Variants in AMPD1 observed in about 807,000 individuals in gnomAD.
The protein encoded by AMPD1 is AMP deaminase 1.
A neutral mutation model predicts 82.9 loss-of-function variants in AMPD1; 74 were observed. The observed-to-expected ratio is 0.89, with a 90% CI of 0.74 to 1.08. The LOEUF (loss-of-function observed/expected upper bound fraction) is 1.08. Ranked by LOEUF, AMPD1 falls within the 50% of genes least tolerant of loss-of-function variation. The pLI, the probability that AMPD1 is intolerant of heterozygous loss-of-function variation, is 0.00. For missense variants in AMPD1, 881 were observed against 924.5 expected, an observed-to-expected ratio of 0.95 and a Z score of 0.61; for synonymous variants, 333 against 320.5, an observed-to-expected ratio of 1.04 and a Z score of -0.42.
chr1:114,690,182 ACCT>A (rs1658471469), intron 2 of AMPD1, among the ~76,000 whole-genome samples: 1 of 152,072 alleles, frequency 6.6e-6, no homozygotes, highest in Admixed American at 6.6e-5. Context: ...TGCACTTAAC[ACCT>A]CCTACATCTT....
chr1:114,674,313 A>G (rs546405241), intron 13 of AMPD1, among the ~76,000 whole-genome samples: 1 of 152,314 alleles, frequency 6.6e-6, no homozygotes, highest in East Asian at 1.9e-4. Context: ...CAGATTGTTT[A>G]TTTGATCTAT....
At chr1:114,694,223 A>T (rs1178158902) in intron 1 of AMPD1, among the ~76,000 whole-genome samples, 1 of 150,286 alleles carries the variant, frequency 6.7e-6, no homozygotes, top group Non-Finnish European at 1.5e-5. Flanking sequence ...CTCTAAAAAA[A>T]CAAAAACAAA....
At chr1:114,680,795 C>T (rs562391273) in intron 5 of AMPD1, among the ~76,000 whole-genome samples, 4 of 152,016 alleles carry the variant, frequency 2.6e-5, no homozygotes, top group Admixed American at 1.3e-4. Flanking sequence ...GGTGAAACCC[C>T]GTCTCTACTA....
At chr1:114,680,200 G>T in intron 6 of AMPD1, 59 bp downstream of exon 6, 1 of 1,406,182 alleles carries the variant, frequency 7.1e-7, no homozygotes, top group Non-Finnish European at 1.0e-6. Context: ...AGTAGTACTA[G>T]TTGTTGTTTA....
At chr1:114,675,813 T>C in intron 11 of AMPD1, 64 bp downstream of exon 11, 1 of 1,613,642 alleles carries the variant, frequency 6.2e-7, no homozygotes, top group Non-Finnish European at 8.5e-7. Flanking sequence ...CAAGAATTAG[T>C]CATGACCAGG....
In AMPD1 at chr1:114,675,794, G is replaced by A. The variant is rs534836200; in HGVS notation, c.1515+83C>T. 1.9e-5 allele frequency: 30 copies of A among 1,613,214 alleles called. No homozygotes were observed. The South Asian group carries it at 3.1e-4, about 17-fold the overall frequency. On this transcript the variant is annotated intron_variant, in intron 11 of 15. Coordinates refer to ENST00000520113, the MANE Select transcript of AMPD1 (RefSeq NM_000036.3). Reference sequence around the variant, plus strand: ...CAAAGGCACAGACCAAACATAAAGAGATAAGCACCAAGAATTAGTCATGAC... The same window carrying A: ...CAAAGGCACAGACCAAACATAAAGAAATAAGCACCAAGAATTAGTCATGAC...
chr1:114,687,037 A>T, intron 3 of AMPD1, 127 bp from the exon 4 acceptor site: 1 of 1,004,490 alleles, frequency 1.0e-6, no homozygotes, highest in Non-Finnish European at 1.5e-6. Context: ...GTGGTTGGGT[A>T]TCAGAAACAG....
In AMPD1 at chr1:114,673,666, A is replaced by C. The variant is rs764256197; in HGVS notation, c.2058T>G (p.Ser686Arg). 2 of 1,614,056 alleles carry C rather than the reference A, an allele frequency of 1.2e-6. No individual in the cohort carries two copies. Among genetic ancestry groups the C allele is most frequent in the South Asian group, 2.2e-5 (2 of 91,076 alleles). ...TCDMCEVARN[S>R]VLQCGISHEE... is the part of the protein sequence containing the mutation. Reference sequence around the variant, plus strand: ...CATGAGAAATTCCACACTGCAAGACACTGTTCCTTGCCACTTCGCACATAT... The same window carrying C: ...CATGAGAAATTCCACACTGCAAGACCCTGTTCCTTGCCACTTCGCACATAT... Residue 686 changes from serine to arginine, a missense_variant, in exon 15 of 16, where the codon AGT (serine) becomes AGG (arginine). By Grantham distance (110) the Ser-to-Arg change is moderately radical. Coordinates refer to ENST00000520113, the MANE Select transcript of AMPD1 (RefSeq NM_000036.3).
In AMPD1 at chr1:114,673,972, G is replaced by A. The variant is rs34778674; in HGVS notation, c.1911C>T (p.Phe637=). 7.3e-4 allele frequency: 1,184 copies of A among 1,613,940 alleles called. 6 individuals are homozygous for A. The African/African-American group carries it at 0.013, about 18-fold the overall frequency. The part of the protein sequence containing the change: ...LEYAKNPFLD[F]LQKGLMISLS... ...GTGAGATCATTAGCCCTTTCTGAAG[G>A]AAATCCAAAAAAGGATTTTTGGCAT... Residue 637 remains phenylalanine (F), a synonymous_variant, in exon 14 of 16, where the codon TTC becomes TTT. Coordinates refer to ENST00000520113, the MANE Select transcript of AMPD1 (RefSeq NM_000036.3).
intron 1 of AMPD1, among the ~76,000 whole-genome samples, chr1:114,694,951 A>T (rs1281502111): frequency 1.3e-5 from 2 of 152,254 alleles, no homozygotes; most frequent in African/African-American, 4.8e-5. Context: ...TTTCTATTTC[A>T]CATGAAACAT....
chr1:114,675,588 A>C lies in AMPD1; in HGVS notation c.1621T>G (p.Tyr541Asp), dbSNP rs537454104. 5.0e-6 allele frequency: 8 copies of C among 1,614,096 alleles called. No individual in the cohort carries two copies. In the Admixed American group the frequency reaches 5.0e-5, roughly 10 times the overall value. ...QEWTLEKNPSYTYYAYYMYAN... is the reference protein window; with the variant it reads ...QEWTLEKNPSDTYYAYYMYAN... ...TACATGTAGTAGGCATAGTAAGTGTAAGATGGATTCTTTTCCAATGTCCAC... is the reference window on the plus strand; with the variant it reads ...TACATGTAGTAGGCATAGTAAGTGTCAGATGGATTCTTTTCCAATGTCCAC... Residue 541 changes from tyrosine to aspartate, a missense_variant, in exon 12 of 16, where the codon TAC (tyrosine) becomes GAC (aspartate). Tyr to Asp is a radical substitution (Grantham distance 160). This residue lies in a region of AMPD1 where 783 missense variants were observed against 786.4 expected (regional missense o/e 1.00). Transcript: ENST00000520113.
Position 114,674,034 on chromosome 1 carries a change from T to C in AMPD1, c.1849A>G (p.Met617Val), listed in dbSNP as rs565587413. 136 of 1,614,010 alleles carry C rather than the reference T, an allele frequency of 8.4e-5. 1 individual carries two copies. The South Asian group carries it at 1.5e-3, about 17-fold the overall frequency. Residue 617 changes from methionine (M) to valine (V), a missense_variant, in exon 14 of 16, where the codon ATG (methionine) becomes GTG (valine). Physicochemically the swap from Met to Val is conservative, Grantham distance 21. Coordinates refer to ENST00000520113, the MANE Select transcript of AMPD1 (RefSeq NM_000036.3). ...AGGCTATTGTTACTTAGTGGTGACA[T>C]GGCGATGGGAATTTGGGCTAAGAAA... ...LFFLAQIPIA[M>V]SPLSNNSLFL...
At chr1:114,685,682 T>C (rs1283617994) in intron 4 of AMPD1, among the ~76,000 whole-genome samples, 1 of 152,218 alleles carries the variant, frequency 6.6e-6, no homozygotes, top group Non-Finnish European at 1.5e-5. Flanking sequence ...CTTGTTTTCA[T>C]TTCTATCAAG....
At chr1:114,682,858 G>A (rs1038757860) in intron 5 of AMPD1, among the ~76,000 whole-genome samples, 8 of 152,146 alleles carry the variant, frequency 5.3e-5, no homozygotes, top group African/African-American at 1.9e-4. Context: ...GATTATAGGC[G>A]TGAGCCACCG....
intron 3 of AMPD1, 126 bp downstream of exon 3, chr1:114,688,435 T>C: frequency 8.8e-7 from 1 of 1,138,450 alleles, no homozygotes; most frequent in Middle Eastern, 2.8e-4. Context: ...GTCTTAGGAA[T>C]TGCTAACTCT....
At chr1:114,676,967 G>A (rs557287182) in intron 10 of AMPD1, among the ~76,000 whole-genome samples, 18 of 152,224 alleles carry the variant, frequency 1.2e-4, no homozygotes, top group Non-Finnish European at 2.5e-4. Context: ...CAGTAGTAAA[G>A]GTTCTGATAC....
chr1:114,683,193 C>T, intron 5 of AMPD1: 1 of 435,944 alleles, frequency 2.3e-6, no homozygotes, highest in Non-Finnish European at 4.5e-6. Context: ...ATGTAGTTTA[C>T]ATCTATCCAG....
chr1:114,674,926 A>T, intron 12 of AMPD1, 54 bp from the exon 13 acceptor site: 1 of 1,610,758 alleles, frequency 6.2e-7, no homozygotes, highest in South Asian at 1.1e-5. Context: ...GGAGTGATTC[A>T]CAAGAAAATT....
chr1:114,674,045 A>G lies in AMPD1; in HGVS notation c.1838T>C (p.Ile613Thr). 6.2e-7 allele frequency: 1 copy of G among 1,614,070 alleles called. No individual in the cohort carries two copies. The highest frequency in any genetic ancestry group is 8.5e-7 in the Non-Finnish European group (1 of 1,179,938). ...VLQYLFFLAQ[I>T]PIAMSPLSNN... The stretch of plus-strand genomic sequence containing the variant: ...ACTTAGTGGTGACATGGCGATGGGA[A>G]TTTGGGCTAAGAAAAACAAGTACTG... Residue 613 changes from isoleucine (I) to threonine (T), a missense_variant, in exon 14 of 16, where the codon ATT (isoleucine) becomes ACT (threonine). Physicochemically the swap from Ile to Thr is moderately conservative, Grantham distance 89 (BLOSUM62 -1). Around this residue, in one of 2 missense-constraint regions of AMPD1, gnomAD observed 783 missense variants for 786.4 expected, o/e 1.00. Transcript: ENST00000520113.
Sources: allele counts gnomAD v4.1 joint callset (sites outside exome capture counted in the v4.1 genomes callset), GRCh38; gene constraint gnomAD v4.1.1; regional missense constraint gnomAD v4.1.1; transcripts MANE v1.5; gene names NCBI Gene and HGNC (gene_info 2026-07-23, HGNC 2026-07-21).